Variants in GPR137C observed in about 807,000 individuals in gnomAD.
GPR137C encodes integral membrane protein GPR137C.
GPR137C carries 27 observed loss-of-function variants against 43.4 expected under a neutral mutation model. The observed-to-expected ratio is 0.62, with a 90% CI of 0.46 to 0.86. GPR137C has a LOEUF of 0.86. Among genes scored for constraint, GPR137C ranks in the 40% least tolerant of loss-of-function variants. The pLI, the probability that GPR137C is intolerant of heterozygous loss-of-function variation, is 0.00. For missense variants in GPR137C, 522 were observed against 534.6 expected (o/e 0.98, Z 0.23); for synonymous variants, 285 against 226.9 (o/e 1.26, Z -2.30).
intron 1 of GPR137C, among the ~76,000 whole-genome samples, chr14:52,570,916 A>G (rs927426458): frequency 1.3e-5 from 2 of 152,206 alleles, no homozygotes; most frequent in Non-Finnish European, 2.9e-5. Flanking sequence ...CACTGTCCAT[A>G]TTAGACAGAT....
At position 52,553,513 on chromosome 14, in the gene GPR137C, C is replaced by A. The variant is rs773373618; in HGVS notation, c.366C>A (p.Phe122Leu). 3.1e-6 allele frequency: 5 copies of A among 1,609,192 alleles called. No homozygotes were observed. The African/African-American group carries it at 6.7e-5, about 21-fold the overall frequency. ...GGCCGCCCGCTCACCTGCACTTCTT[C>A]CCCCACTGGCTGCTCTACTGCTTCC... ...LLRPPAHLHF[F>L]PHWLLYCFPS... The change falls in exon 1 of 7, where the codon TTC becomes TTA. Residue 122 changes from phenylalanine to leucine, a missense_variant. Transcript: ENST00000321662.
chr14:52,558,216 TTG>T (rs2038224681), intron 1 of GPR137C, among the ~76,000 whole-genome samples: 1 of 152,122 alleles, frequency 6.6e-6, no homozygotes, highest in African/African-American at 2.4e-5. Context: ...GATTTTAATT[TTG>T]TGTGTTGAAG....
Position 52,635,040 on chromosome 14 carries a change from T to C in GPR137C, c.1215T>C (p.Thr405=). The stretch of plus-strand genomic sequence containing the variant: ...ACCTGAATGGACCTATGACAGATAC[T>C]GCTCCTTTGCTCTTTACTTGTAGTA... ...TPHLNGPMTD[T]APLLFTCSNL... is the part of the protein sequence containing the mutation. The change falls in exon 7 of 7, where the codon ACT becomes ACC. Residue 405 remains threonine, a synonymous_variant. Transcript: ENST00000321662. The C allele has an allele frequency of 1.9e-6, 3 of 1,610,410 alleles. No individual in the cohort carries two copies. Among genetic ancestry groups the C allele is most frequent in the Non-Finnish European group, 8.5e-7 (1 of 1,178,688 alleles).
chr14:52,634,904 G>A lies in GPR137C; in HGVS notation c.1113-34G>A, dbSNP rs571327668. The A allele has an allele frequency of 5.2e-5, 84 of 1,600,152 alleles. 2 individuals carry two copies. In the South Asian group the frequency reaches 9.4e-4, roughly 18 times the overall value. On this transcript the variant is annotated intron_variant, in intron 6 of 6. Coordinates refer to ENST00000321662, the MANE Select transcript of GPR137C (RefSeq NM_001099652.2). The stretch of plus-strand genomic sequence containing the variant: ...TGTGACTTCTTATATCCTGATCATA[G>A]TCCTATGGTCTTTTTGCCTTTTTTT...
At chr14:52,606,612 A>AT (rs2038986236) in intron 3 of GPR137C, among the ~76,000 whole-genome samples, 4 of 151,914 alleles carry the variant, frequency 2.6e-5, no homozygotes, top group Admixed American at 2.0e-4. Context: ...AATTTTTTAA[A>AT]TTTTTTGTAG....
chr14:52,633,894 C>A lies in GPR137C; in HGVS notation c.1060C>A (p.Arg354=), dbSNP rs867519635. The A allele has an allele frequency of 6.2e-7, 1 of 1,612,368 alleles. No homozygotes were observed. The highest frequency in any genetic ancestry group is 1.7e-5 in the Admixed American group (1 of 59,932). Residue 354 remains arginine, a synonymous_variant, in exon 6 of 7, where the codon CGA becomes AGA. Transcript: ENST00000321662. ...SRAYFFDNPR[R]YDSDDDLPRL... ...AGCTTACTTTTTCGACAATCCAAGA[C>A]GATATGATAGTGATGATGACCTGCC...
intron 5 of GPR137C, 72 bp downstream of exon 5, chr14:52,633,727 A>C: frequency 1.3e-6 from 2 of 1,570,844 alleles, no homozygotes; most frequent in Non-Finnish European, 1.7e-6. Flanking sequence ...TTGATTTTCT[A>C]TTTTTGGCAA....
intron 1 of GPR137C, among the ~76,000 whole-genome samples, chr14:52,568,214 C>T (rs1206881867): frequency 1.3e-5 from 2 of 152,142 alleles, no homozygotes; most frequent in African/African-American, 4.8e-5. Flanking sequence ...AGGGAACTCC[C>T]TCCCCTAGTC....
chr14:52,556,391 CTT>C (rs76210630), intron 1 of GPR137C, among the ~76,000 whole-genome samples: 2 of 140,276 alleles, frequency 1.4e-5, no homozygotes, highest in Admixed American at 7.1e-5. Context: ...CCCCTTTTTT[CTT>C]TTTTTTTTTT....
intron 3 of GPR137C, among the ~76,000 whole-genome samples, chr14:52,607,149 A>C (rs1306445842): frequency 2.0e-5 from 3 of 152,172 alleles, no homozygotes; most frequent in African/African-American, 7.2e-5. Context: ...GCCAGAAAAG[A>C]TATTGATATG....
In GPR137C at chr14:52,612,223, C is replaced by T. The variant is rs556619559; in HGVS notation, c.717+11882C>T. 5.8e-5 allele frequency: 57 copies of T among 982,250 alleles called. No individual in the cohort carries two copies. In the Admixed American group the frequency reaches 6.8e-4, roughly 12 times the overall value. The allele number at this position is 982,250 out of a possible 1,614,324, so 60.8% of individuals were successfully genotyped here. On this transcript the variant is annotated intron_variant, in intron 3 of 6. Transcript: ENST00000321662. ...AACAGCCGTAGTGTCACCACTGACA[C>T]TTAACTGTATTTGGAACTCAGTGTA...
At chr14:52,604,735 A>G (rs534193526) in intron 3 of GPR137C, among the ~76,000 whole-genome samples, 10 of 152,330 alleles carry the variant, frequency 6.6e-5, no homozygotes, top group African/African-American at 2.2e-4. Context: ...GGCATGAGCC[A>G]TCGCGCACAG....
chr14:52,626,032 CTT>C (rs2039223223), intron 3 of GPR137C, among the ~76,000 whole-genome samples: 1 of 152,026 alleles, frequency 6.6e-6, no homozygotes. Context: ...AATAATACAA[CTT>C]AAAAAACAAT....
At chr14:52,634,275 A>G (rs1393136431) in intron 6 of GPR137C, among the ~76,000 whole-genome samples, 1 of 152,112 alleles carries the variant, frequency 6.6e-6, no homozygotes, top group East Asian at 1.9e-4. Context: ...CTGTTTCCAT[A>G]TCTTTAGTGC....
At chr14:52,604,014 T>G (rs2038956353) in intron 3 of GPR137C, among the ~76,000 whole-genome samples, 1 of 152,184 alleles carries the variant, frequency 6.6e-6, no homozygotes, top group Admixed American at 6.6e-5. Flanking sequence ...CCCTGATGAT[T>G]GATGTTGAAT....
intron 1 of GPR137C, among the ~76,000 whole-genome samples, chr14:52,574,381 T>C (rs1472040497): frequency 1.3e-5 from 2 of 152,244 alleles, no homozygotes; most frequent in East Asian, 3.9e-4. Context: ...TGAAATACTA[T>C]GCAGCCATAA....
chr14:52,594,965 C>G, intron 1 of GPR137C, among the ~76,000 whole-genome samples: 1 of 152,138 alleles, frequency 6.6e-6, no homozygotes, highest in Non-Finnish European at 1.5e-5. Context: ...ACCGGTGTTT[C>G]TTTCCATGTT....
Position 52,587,121 on chromosome 14 carries a change from C to A in GPR137C, c.445-11151C>A, listed in dbSNP as rs1951449. 8.1e-3 allele frequency among the ~76,000 whole-genome samples: 1,229 copies of A among 152,274 alleles called. 10 individuals carry two copies. The highest frequency in any genetic ancestry group is 0.024 in the Middle Eastern group (7 of 294). On this transcript the variant is annotated intron_variant, in intron 1 of 6. Transcript: ENST00000321662. ...CACCACCACCACACGAAAACACTTT[C>A]TTTGACCTTAATTCACTGCTCATTT...
rs1384681857 is a variant in GPR137C, at chr14:52,553,121, C to T, written c.-27C>T. On this transcript the variant is annotated 5_prime_UTR_variant, in exon 1 of 7. Transcript: ENST00000321662. ...CGAGTCCAGCCCCTTCCTTCCCGCGCTCGCTCGCCCGGCCCCCAGCCCCCT... is the reference window on the plus strand; with the variant it reads ...CGAGTCCAGCCCCTTCCTTCCCGCGTTCGCTCGCCCGGCCCCCAGCCCCCT... 2.8e-5 allele frequency: 32 copies of T among 1,152,074 alleles called. No homozygotes were observed. In the South Asian group the frequency reaches 1.0e-3, roughly 37 times the overall value. The allele number at this position is 1,152,074 out of a possible 1,614,324, so 71.4% of individuals were successfully genotyped here.
Sources: allele counts gnomAD v4.1 joint callset (sites outside exome capture counted in the v4.1 genomes callset), GRCh38; gene constraint gnomAD v4.1.1; transcripts MANE v1.5; gene names NCBI Gene and HGNC (gene_info 2026-07-23, HGNC 2026-07-21).